CTIF: variants seen among roughly 807,000 people sequenced by gnomAD.
CTIF encodes the protein cap binding complex dependent translation initiation factor.
CTIF carries 21 observed loss-of-function variants against 66.0 expected under a neutral mutation model. The observed-to-expected ratio is 0.32, with a 90% CI of 0.23 to 0.46. CTIF has a LOEUF of 0.46. Among genes scored for constraint, CTIF ranks in the 20% least tolerant of loss-of-function variants. The pLI, the probability that CTIF is intolerant of heterozygous loss-of-function variation, is 1.00. For missense variants in CTIF, 739 were observed against 812.7 expected, an observed-to-expected ratio of 0.91 and a Z score of 1.10; for synonymous variants, 345 against 326.4, an observed-to-expected ratio of 1.06 and a Z score of -0.62.
chr18:48,678,061 G>A (rs2091665232), intron 6 of CTIF, among the ~76,000 whole-genome samples: 1 of 152,180 alleles, frequency 6.6e-6, no homozygotes, highest in Admixed American at 6.5e-5. Flanking sequence ...GACTCCTCTG[G>A]TACCTCTTTC....
At chr18:48,673,988 C>T (rs1056329238) in intron 6 of CTIF, among the ~76,000 whole-genome samples, 1 of 152,184 alleles carries the variant, frequency 6.6e-6, no homozygotes, top group African/African-American at 2.4e-5. Context: ...CACATGCCCC[C>T]GCCCCAACTG....
At chr18:48,623,990 T>C (rs1349090732) in intron 2 of CTIF, among the ~76,000 whole-genome samples, 1 of 152,028 alleles carries the variant, frequency 6.6e-6, no homozygotes, top group Non-Finnish European at 1.5e-5. Context: ...ACCAAGACAA[T>C]GTGTGTTTTA....
Position 48,758,393 on chromosome 18 carries a change from G to A in CTIF, c.1059G>A (p.Arg353=), listed in dbSNP as rs773921733. The change falls in exon 8 of 12, where the codon AGG becomes AGA. Residue 353 remains arginine (R), a synonymous_variant. Coordinates refer to ENST00000256413, the MANE Select transcript of CTIF (RefSeq NM_014772.3). ...CTTCCAAAGACAGACTGCGGCGAAGGCTAAAGGAAAAGGTACCGGTAATTG... is the reference window on the plus strand; with the variant it reads ...CTTCCAAAGACAGACTGCGGCGAAGACTAAAGGAAAAGGTACCGGTAATTG... ...LQSSKDRLRR[R]LKEKDEVAVE... 4.4e-6 allele frequency: 7 copies of A among 1,587,258 alleles called. No individual in the cohort carries two copies. In the South Asian group the frequency reaches 6.8e-5, roughly 15 times the overall value.
intron 10 of CTIF, among the ~76,000 whole-genome samples, chr18:48,838,355 C>T (rs2068860257): frequency 1.3e-5 from 2 of 151,818 alleles, no homozygotes. Context: ...CCAGTGCCCT[C>T]CTAGAGTTGA....
chr18:48,610,901 G>A (rs1364699270), intron 1 of CTIF, among the ~76,000 whole-genome samples: 1 of 152,220 alleles, frequency 6.6e-6, no homozygotes, highest in East Asian at 1.9e-4. Context: ...GGTGTCATCT[G>A]TTATTTAGGA....
intron 10 of CTIF, among the ~76,000 whole-genome samples, chr18:48,855,718 C>T (rs945971694): frequency 1.3e-5 from 2 of 152,194 alleles, no homozygotes; most frequent in African/African-American, 4.8e-5. Flanking sequence ...ATGAGGGAAG[C>T]AACAAAACCT....
chr18:48,669,006 C>T (rs2091479966), intron 5 of CTIF, among the ~76,000 whole-genome samples: 1 of 152,168 alleles, frequency 6.6e-6, no homozygotes, highest in Admixed American at 6.5e-5. Context: ...CTCTTCCACC[C>T]AGGCCTTTGC....
At chr18:48,782,251 G>A (rs746720279) in intron 9 of CTIF, among the ~76,000 whole-genome samples, 2 of 151,686 alleles carry the variant, frequency 1.3e-5, no homozygotes, top group African/African-American at 4.8e-5. Context: ...CCTGGGTTGG[G>A]CATGGACTTC....
At chr18:48,554,337 T>C (rs770305040) in intron 1 of CTIF, among the ~76,000 whole-genome samples, 2 of 152,246 alleles carry the variant, frequency 1.3e-5, no homozygotes, top group African/African-American at 2.4e-5. Context: ...CTCTTGCCTC[T>C]CTAGAATGAA....
At chr18:48,687,025 G>C (rs915027330) in intron 6 of CTIF, among the ~76,000 whole-genome samples, 1 of 152,104 alleles carries the variant, frequency 6.6e-6, no homozygotes, top group South Asian at 2.1e-4. Context: ...CAATCCTGTC[G>C]AGTCAGAAGT....
chr18:48,777,900 G>T (rs748437002), intron 9 of CTIF, among the ~76,000 whole-genome samples: 2 of 152,184 alleles, frequency 1.3e-5, no homozygotes, highest in Non-Finnish European at 2.9e-5. Flanking sequence ...AGGCAAAGGG[G>T]CTTCCGTGTG....
chr18:48,639,721 C>A (rs1039479758), intron 3 of CTIF, among the ~76,000 whole-genome samples: 1 of 152,190 alleles, frequency 6.6e-6, no homozygotes, highest in African/African-American at 2.4e-5. Context: ...CCTGGATGGG[C>A]GTTTGGGGCT....
At chr18:48,751,515 A>G (rs1415361748) in intron 7 of CTIF, among the ~76,000 whole-genome samples, 3 of 152,214 alleles carry the variant, frequency 2.0e-5, no homozygotes. Flanking sequence ...CCAGACCACA[A>G]GGAAGATAGA....
At chr18:48,838,745 T>C (rs760720918) in intron 10 of CTIF, among the ~76,000 whole-genome samples, 16 of 152,208 alleles carry the variant, frequency 1.1e-4, no homozygotes, top group Non-Finnish European at 2.4e-4. Context: ...CAGAAGCATA[T>C]GGAGAAGTTG....
intron 6 of CTIF, among the ~76,000 whole-genome samples, chr18:48,697,241 C>T (rs2092020979): frequency 6.6e-6 from 1 of 152,236 alleles, no homozygotes; most frequent in African/African-American, 2.4e-5. Context: ...GTGCCAGACA[C>T]TGTGGGGCCT....
intron 2 of CTIF, among the ~76,000 whole-genome samples, chr18:48,624,631 G>A (rs552159101): frequency 3.9e-5 from 6 of 152,284 alleles, no homozygotes; most frequent in African/African-American, 1.4e-4. Context: ...TTAGGGAGCT[G>A]TGAGAAATAC....
intron 1 of CTIF, among the ~76,000 whole-genome samples, chr18:48,595,134 C>T (rs1345590969): frequency 3.3e-5 from 5 of 152,358 alleles, no homozygotes; most frequent in African/African-American, 9.6e-5. Flanking sequence ...ACCCCCGAGC[C>T]TGGCCACCCA....
chr18:48,796,791 G>A (rs1001305232), intron 9 of CTIF, among the ~76,000 whole-genome samples: 1 of 152,228 alleles, frequency 6.6e-6, no homozygotes, highest in Admixed American at 6.5e-5. Context: ...TGGAATATTT[G>A]TAAGTGCACT....
chr18:48,805,824 C>T (rs2068134872), intron 9 of CTIF, among the ~76,000 whole-genome samples: 2 of 152,228 alleles, frequency 1.3e-5, no homozygotes, highest in Admixed American at 1.3e-4. Context: ...CAGCCCCCTA[C>T]CCTTTGGACA....
Sources: allele counts gnomAD v4.1 joint callset (sites outside exome capture counted in the v4.1 genomes callset), GRCh38; gene constraint gnomAD v4.1.1; transcripts MANE v1.5; gene names NCBI Gene and HGNC (gene_info 2026-07-23, HGNC 2026-07-21).